CNTNAP3B: variants seen among roughly 807,000 people sequenced by gnomAD.
The protein encoded by CNTNAP3B is contactin-associated protein-like 3B.
A neutral mutation model predicts 108.9 loss-of-function variants in CNTNAP3B; 25 were observed. That is an observed-to-expected ratio of 0.23 (90% CI 0.17 to 0.32). The LOEUF is 0.32. Among genes scored for constraint, CNTNAP3B ranks in the 10% least tolerant of loss-of-function variants. The pLI is 1.00. For synonymous variants in CNTNAP3B, 103 were observed against 473.4 expected, an observed-to-expected ratio of 0.22 and a Z score of 10.16; for missense variants, 252 against 1,210.4, an observed-to-expected ratio of 0.21 and a Z score of 11.75.
At chr9:41,977,985 A>G (rs1374133218) in intron 9 of CNTNAP3B, among the ~76,000 whole-genome samples, 1 of 130,658 alleles carries the variant, frequency 7.7e-6, no homozygotes, top group Non-Finnish European at 1.6e-5. Context: ...GGATTCTGGA[A>G]AAAAAAAACA....
At chr9:42,041,766 C>G (rs1587223806) in intron 3 of CNTNAP3B, among the ~76,000 whole-genome samples, 1 of 139,074 alleles carries the variant, frequency 7.2e-6, no homozygotes, top group East Asian at 2.2e-4. Flanking sequence ...ATAAATCATG[C>G]TGCTATAAAG....
intron 3 of CNTNAP3B, among the ~76,000 whole-genome samples, chr9:42,016,952 T>G (rs1388591799): frequency 6.6e-6 from 1 of 151,846 alleles, no homozygotes; most frequent in East Asian, 1.9e-4. Flanking sequence ...AAAAGCTCCA[T>G]CTTATTGAAA....
At chr9:41,966,714 T>G (rs1395968647) in intron 10 of CNTNAP3B, among the ~76,000 whole-genome samples, 2 of 152,246 alleles carry the variant, frequency 1.3e-5, no homozygotes, top group Non-Finnish European at 2.9e-5. Context: ...ACGCCTGTAA[T>G]CCCAGAACTT....
At chr9:42,125,673 T>TG in intron 1 of CNTNAP3B, among the ~76,000 whole-genome samples, 1 of 132,538 alleles carries the variant, frequency 7.5e-6, no homozygotes, top group South Asian at 2.5e-4. Flanking sequence ...TTGTTTTTTT[T>TG]TTTTTGTTTT....
intron 8 of CNTNAP3B, among the ~76,000 whole-genome samples, chr9:41,990,354 A>G (rs969690844): frequency 7.9e-6 from 1 of 126,422 alleles, no homozygotes; most frequent in Non-Finnish European, 1.6e-5. Context: ...CTAGGTTTGC[A>G]TTTCTAAAAG....
At chr9:42,041,895 A>T (rs1826767310) in intron 3 of CNTNAP3B, among the ~76,000 whole-genome samples, 1 of 145,114 alleles carries the variant, frequency 6.9e-6, no homozygotes, top group Non-Finnish European at 1.5e-5. Context: ...ACCATGGAAT[A>T]CAATGCAGCC....
chr9:41,926,182 T>A (rs1440840532), intron 15 of CNTNAP3B, among the ~76,000 whole-genome samples: 1 of 152,290 alleles, frequency 6.6e-6, no homozygotes. Context: ...CCCACATGTA[T>A]AACTCTTTCC....
At chr9:42,099,676 C>T (rs1248757202) in intron 2 of CNTNAP3B, among the ~76,000 whole-genome samples, 1 of 109,274 alleles carries the variant, frequency 9.2e-6, no homozygotes, top group Non-Finnish European at 1.9e-5. Flanking sequence ...AATTCTCAAA[C>T]TCTCCTTCGG....
At chr9:42,112,109 T>C (rs28478970) in intron 1 of CNTNAP3B, among the ~76,000 whole-genome samples, 1,521 of 139,704 alleles carry the variant, frequency 0.011, 354 homozygotes, top group African/African-American at 0.039. Flanking sequence ...CTCCTTTAAT[T>C]GGAGTGGTCT....
At chr9:41,957,918 G>A (rs1306045820) in intron 12 of CNTNAP3B, among the ~76,000 whole-genome samples, 9 of 152,154 alleles carry the variant, frequency 5.9e-5, no homozygotes, top group Admixed American at 2.0e-4. Flanking sequence ...CCGCCACTAC[G>A]CCCGGCTAAT....
intron 2 of CNTNAP3B, among the ~76,000 whole-genome samples, chr9:42,095,163 C>T (rs1827874607): frequency 7.4e-6 from 1 of 135,656 alleles, no homozygotes; most frequent in Non-Finnish European, 1.5e-5. Flanking sequence ...ACCAACATCT[C>T]CCCCTTCCCT....
At chr9:41,922,263 C>T (rs1361778070) in intron 17 of CNTNAP3B, among the ~76,000 whole-genome samples, 3 of 124,172 alleles carry the variant, frequency 2.4e-5, no homozygotes, top group Non-Finnish European at 3.4e-5. Flanking sequence ...CAAGAGATCA[C>T]GACCATCCTG....
intron 3 of CNTNAP3B, among the ~76,000 whole-genome samples, chr9:42,030,813 G>GAGGAGAGAGAGAGA (rs1156882673): frequency 4.6e-5 from 3 of 65,746 alleles, no homozygotes; most frequent in African/African-American, 7.9e-5. Context: ...GAGAGAGAGA[G>GAGGAGAGAGAGAGA]GAGAGAGAGA....
In CNTNAP3B at chr9:42,113,101, G is replaced by A. The variant is rs1435030528; in HGVS notation, c.86-8362C>T. ...TCTTAGTTTGACGATCTACTCTACA[G>A]TCATTACAACAATAAATATAAGAAC... On this transcript the variant is annotated intron_variant, in intron 1 of 23. Transcript: ENST00000377561. Among the ~76,000 whole-genome samples the A allele has an allele frequency of 3.7e-5, 5 of 136,282 alleles. 2 individuals carry two copies. Among genetic ancestry groups the A allele is most frequent in the African/African-American group, 1.5e-4 (5 of 34,042 alleles). 89.4% of individuals were successfully genotyped at this position (136,282 alleles called of 152,430 possible).
intron 1 of CNTNAP3B, among the ~76,000 whole-genome samples, chr9:42,110,876 G>T: frequency 7.1e-6 from 1 of 140,070 alleles, no homozygotes; most frequent in Non-Finnish European, 1.5e-5. Flanking sequence ...ATTGATCTGT[G>T]CATTGCTATC....
chr9:42,089,825 A>G (rs1308782156), intron 2 of CNTNAP3B, among the ~76,000 whole-genome samples: 1 of 140,306 alleles, frequency 7.1e-6, no homozygotes, highest in East Asian at 2.2e-4. Context: ...ATCCTTGTCT[A>G]TGAAATTCAT....
intron 9 of CNTNAP3B, among the ~76,000 whole-genome samples, chr9:41,972,627 A>T (rs1464099507): frequency 7.3e-6 from 1 of 137,880 alleles, no homozygotes. Flanking sequence ...AACCTCACAG[A>T]CACTTGGAAG....
At chr9:41,972,858 A>G (rs1034073003) in intron 9 of CNTNAP3B, among the ~76,000 whole-genome samples, 3 of 136,080 alleles carry the variant, frequency 2.2e-5, no homozygotes, top group African/African-American at 8.7e-5. Flanking sequence ...TTTTCCAGTA[A>G]TGAATTATAG....
intron 13 of CNTNAP3B, among the ~76,000 whole-genome samples, chr9:41,942,007 C>T (rs1162858846): frequency 6.6e-6 from 1 of 152,298 alleles, no homozygotes; most frequent in African/African-American, 2.4e-5. Flanking sequence ...TTCTAATCCC[C>T]CAAAAAGCTA....
Sources: gnomAD v4.1 joint callset for allele counts (sites outside exome capture counted in the v4.1 genomes callset) on GRCh38, gnomAD v4.1.1 for gene constraint, MANE v1.5 for transcripts, NCBI Gene and HGNC (gene_info 2026-07-23, HGNC 2026-07-21) for gene names.